ARNT2: variants seen among roughly 807,000 people sequenced by gnomAD.
The protein encoded by ARNT2 is aryl hydrocarbon receptor nuclear translocator 2, also known as ARNT protein 2.
In ARNT2, 36 loss-of-function variants were observed where a neutral mutation model predicts 91.7. The observed-to-expected ratio is 0.39, with a 90% CI of 0.30 to 0.52. ARNT2 has a LOEUF of 0.52. Among genes scored for constraint, ARNT2 ranks in the 20% least tolerant of loss-of-function variants. The pLI, the probability that ARNT2 is intolerant of heterozygous loss-of-function variation, is 0.72. For missense variants in ARNT2, 775 were observed against 939.3 expected (o/e 0.83, Z 2.29); for synonymous variants, 365 against 347.1 (o/e 1.05, Z -0.57).
chr15:80,464,407 T>G (rs1420352211), intron 3 of ARNT2, among the ~76,000 whole-genome samples: 1 of 152,170 alleles, frequency 6.6e-6, no homozygotes, highest in Non-Finnish European at 1.5e-5. Flanking sequence ...ATGCAAGATG[T>G]GTGTCTCACT....
At chr15:80,493,090 C>T (rs1487148201) in intron 5 of ARNT2, among the ~76,000 whole-genome samples, 2 of 152,194 alleles carry the variant, frequency 1.3e-5, no homozygotes, top group African/African-American at 2.4e-5. Flanking sequence ...GCTGTGTCAT[C>T]CCATGGTGGA....
In ARNT2 at chr15:80,470,519, A is replaced by C. The variant is rs1212777685; in HGVS notation, c.408+88A>C. On this transcript the variant is annotated intron_variant, in intron 4 of 18. Transcript: ENST00000303329. ...TAAACTACGTGGGGAACCAGGGCTC[A>C]AGGTTGAGGAAGGAATGAAGCCAAC... 18 of 1,372,004 alleles carry C rather than the reference A, an allele frequency of 1.3e-5. No homozygotes were observed. In the Admixed American group the frequency reaches 3.9e-4, roughly 30 times the overall value. The allele number at this position is 1,372,004 out of a possible 1,614,324, so 85.0% of individuals were successfully genotyped here. A position where few individuals can be genotyped will look rare whatever the true frequency, so the allele number is the denominator to read the frequency against.
chr15:80,582,461 A>C (rs1898817461), intron 17 of ARNT2, among the ~76,000 whole-genome samples: 1 of 151,824 alleles, frequency 6.6e-6, no homozygotes, highest in South Asian at 2.1e-4. Context: ...ACACCACTGC[A>C]CTCCAGCCTG....
intron 5 of ARNT2, among the ~76,000 whole-genome samples, chr15:80,494,668 A>G (rs528928754): frequency 1.1e-4 from 17 of 152,134 alleles, no homozygotes; most frequent in Non-Finnish European, 2.4e-4. Flanking sequence ...CCATGATCCC[A>G]CATCATGTTG....
At chr15:80,530,659 T>G (rs1335977222) in intron 8 of ARNT2, among the ~76,000 whole-genome samples, 1 of 152,126 alleles carries the variant, frequency 6.6e-6, no homozygotes, top group Non-Finnish European at 1.5e-5. Flanking sequence ...GAGGGACGGG[T>G]AGTTACTCAA....
intron 18 of ARNT2, 93 bp from the exon 19 acceptor site, chr15:80,593,507 T>G: frequency 9.9e-7 from 1 of 1,008,022 alleles, no homozygotes; most frequent in Non-Finnish European, 1.5e-6. Context: ...GGGATGGCCA[T>G]GAGGGTGAGT....
At chr15:80,549,478 A>C (rs1898046035) in intron 8 of ARNT2, among the ~76,000 whole-genome samples, 2 of 152,222 alleles carry the variant, frequency 1.3e-5, no homozygotes, top group Admixed American at 1.3e-4. Flanking sequence ...TTAATATCCC[A>C]AATACAGGGA....
At chr15:80,426,578 G>A (rs1425341151) in intron 1 of ARNT2, among the ~76,000 whole-genome samples, 3 of 152,192 alleles carry the variant, frequency 2.0e-5, no homozygotes, top group Non-Finnish European at 4.4e-5. Flanking sequence ...TTCATGCAAG[G>A]CCGTGATTGT....
chr15:80,480,595 C>A (rs969467353), intron 5 of ARNT2, among the ~76,000 whole-genome samples: 9 of 152,190 alleles, frequency 5.9e-5, no homozygotes, highest in Admixed American at 4.6e-4. Flanking sequence ...TCCCCTGCAT[C>A]ATACTTCCAT....
intron 8 of ARNT2, among the ~76,000 whole-genome samples, chr15:80,541,496 GGTCCTACTT>G (rs1897904961): frequency 6.6e-6 from 1 of 151,972 alleles, no homozygotes; most frequent in South Asian, 2.1e-4. Context: ...TGTTTAATTA[GGTCCTACTT>G]GTCAATTTTT....
At position 80,483,285 on chromosome 15, in the gene ARNT2, A is replaced by G. The variant is rs143415380; in HGVS notation, c.622+8062A>G. 8.9e-5 allele frequency among the ~76,000 whole-genome samples: 13 copies of G among 145,880 alleles called. No homozygotes were observed. In the East Asian group the frequency reaches 2.5e-3, roughly 28 times the overall value. ...TTTTAGTTTGAGAACTGCTGAACTA[A>G]AGAATTTAGCAAATAGTGATTGTGC... On this transcript the variant is annotated intron_variant, in intron 5 of 18. Coordinates refer to ENST00000303329, the MANE Select transcript of ARNT2 (RefSeq NM_014862.4).
intron 6 of ARNT2, among the ~76,000 whole-genome samples, chr15:80,512,094 T>C (rs1311783179): frequency 6.6e-6 from 1 of 152,212 alleles, no homozygotes; most frequent in Non-Finnish European, 1.5e-5. Context: ...AAACAATAGG[T>C]GCTTTAAAAT....
Position 80,597,256 on chromosome 15 carries a change from A to C in ARNT2, c.*3558A>C, listed in dbSNP as rs1893388872. ...TTAGGCAGCCCATAAGCTATGCGAG[A>C]ATGTGAACGCTCACCTTGCTCCGTC... On this transcript the variant is annotated 3_prime_UTR_variant, in exon 19 of 19. Transcript: ENST00000303329. 1.9e-6 allele frequency: 1 copy of C among 518,294 alleles called. No homozygotes were observed. The highest frequency in any genetic ancestry group is 1.9e-5 in the African/African-American group (1 of 51,764). 32.1% of individuals were successfully genotyped at this position (518,294 alleles called of 1,614,324 possible). A position where few individuals can be genotyped will look rare whatever the true frequency, so the allele number is the denominator to read the frequency against.
At chr15:80,561,827 A>G (rs1898361108) in intron 11 of ARNT2, among the ~76,000 whole-genome samples, 1 of 152,220 alleles carries the variant, frequency 6.6e-6, no homozygotes, top group Non-Finnish European at 1.5e-5. Flanking sequence ...TATTTACTTA[A>G]TAATAGCCCC....
rs538947407 is a variant in ARNT2 at position 80,558,932 on chromosome 15, T to C, written c.1164+3793T>C. Among the ~76,000 whole-genome samples the C allele has an allele frequency of 2.2e-4, 33 of 152,340 alleles. 1 individual carries two copies. In the South Asian group the frequency reaches 6.6e-3, roughly 31 times the overall value. On this transcript the variant is annotated intron_variant, in intron 11 of 18. Coordinates refer to ENST00000303329, the MANE Select transcript of ARNT2 (RefSeq NM_014862.4). ...TGGAGCTTTAACAGTGGTGGGGGCC[T>C]CCATTCTGTGCCCAGTAACTGGCCA...
At chr15:80,546,202 T>A (rs1356234975) in intron 8 of ARNT2, among the ~76,000 whole-genome samples, 2 of 152,190 alleles carry the variant, frequency 1.3e-5, no homozygotes, top group African/African-American at 2.4e-5. Flanking sequence ...GATTCTGTGA[T>A]GTAAGCAAGG....
chr15:80,453,432 A>G (rs982283196), intron 2 of ARNT2, among the ~76,000 whole-genome samples: 4 of 152,142 alleles, frequency 2.6e-5, no homozygotes, highest in African/African-American at 7.2e-5. Context: ...TGGCTTAGAG[A>G]TGTATCCTGT....
chr15:80,409,706 T>G (rs1476750892), intron 1 of ARNT2, among the ~76,000 whole-genome samples: 1 of 152,174 alleles, frequency 6.6e-6, no homozygotes, highest in East Asian at 1.9e-4. Context: ...GTAAATGTTA[T>G]GAAGAAATGA....
At chr15:80,449,471 G>C (rs559513310) in intron 1 of ARNT2, among the ~76,000 whole-genome samples, 1 of 152,132 alleles carries the variant, frequency 6.6e-6, no homozygotes, top group South Asian at 2.1e-4. Flanking sequence ...CACAAACTCA[G>C]TTGTCTAAAG....
Sources: gnomAD v4.1 joint callset for allele counts (sites outside exome capture counted in the v4.1 genomes callset) on GRCh38, gnomAD v4.1.1 for gene constraint, MANE v1.5 for transcripts, NCBI Gene and HGNC (gene_info 2026-07-23, HGNC 2026-07-21) for gene names.